The following FBLN7 variants were observed in gnomAD, a reference collection of about 807,000 sequenced individuals.
The protein encoded by FBLN7 is fibulin 7, also known as fibulin-7.
FBLN7 carries 31 observed loss-of-function variants against 44.0 expected under a neutral mutation model. That is an observed-to-expected ratio of 0.70 (90% confidence interval 0.53 to 0.95). The LOEUF is 0.95. Among genes scored for constraint, FBLN7 ranks in the 40% least tolerant of loss-of-function variants. FBLN7 has a pLI of 0.00. For missense variants in FBLN7, 573 were observed against 618.5 expected, an observed-to-expected ratio of 0.93 and a Z score of 0.78; for synonymous variants, 262 against 253.4, an observed-to-expected ratio of 1.03 and a Z score of -0.32.
chr2:112,218,679 T>C, the FBLN7 span, among the ~76,000 whole-genome samples: 1 of 151,652 alleles, frequency 6.6e-6, no homozygotes, highest in African/African-American at 2.4e-5. Context: ...TTTGGAAACA[T>C]AGAGAGAGAG....
chr2:112,209,607 T>G, the FBLN7 span, among the ~76,000 whole-genome samples: 1 of 152,142 alleles, frequency 6.6e-6, no homozygotes, highest in Admixed American at 6.6e-5. Context: ...ATTGAGAATG[T>G]CAACATGAGA....
rs552094976 is a variant in FBLN7, at chr2:112,160,719, C to T, written c.235+884C>T. ...ACACACGCACGCACACACACAAGCA[C>T]GCGCACACGCACGCACACGCACACA... On this transcript the variant is annotated intron_variant, in intron 2 of 7. Coordinates refer to ENST00000331203, the MANE Select transcript of FBLN7 (RefSeq NM_153214.3). Among the ~76,000 whole-genome samples, 87 of 141,296 alleles carry T rather than the reference C, an allele frequency of 6.2e-4. 1 individual carries two copies. Among genetic ancestry groups the T allele is most frequent in the Middle Eastern group, 3.8e-3 (1 of 266 alleles). The allele number at this position is 141,296 out of a possible 152,430, so 92.7% of individuals were successfully genotyped here.
intron 2 of FBLN7, among the ~76,000 whole-genome samples, chr2:112,160,746 G>GCA (rs1225661028): frequency 5.3e-4 from 46 of 86,256 alleles, no homozygotes; most frequent in African/African-American, 1.9e-3. Context: ...ACGCACACAC[G>GCA]CGCACGCACA....
At chr2:112,148,553 AG>A (rs1238945709) in intron 1 of FBLN7, among the ~76,000 whole-genome samples, 1 of 152,234 alleles carries the variant, frequency 6.6e-6, no homozygotes, top group Non-Finnish European at 1.5e-5. Context: ...TTGGCAGGCC[AG>A]GGTAGCAATT....
chr2:112,157,748 G>A (rs1348861694), intron 1 of FBLN7, among the ~76,000 whole-genome samples: 2 of 152,098 alleles, frequency 1.3e-5, no homozygotes, highest in Admixed American at 6.5e-5. Flanking sequence ...CTACAGGCGA[G>A]CACCACCATG....
rs1683329003 is a variant in FBLN7, at chr2:112,187,471, A to G, written c.1285A>G (p.Lys429Glu). The G allele has an allele frequency of 6.2e-7, 1 of 1,614,188 alleles. No homozygotes were observed. Among genetic ancestry groups the G allele is most frequent in the Non-Finnish European group, 8.5e-7 (1 of 1,180,042 alleles). ...DRSFQANHVS[K>E]VTIFVSPYDF ...CTCCTTCCAGGCCAACCACGTGTCC[A>G]AGGTCACCATCTTTGTATCCCCCTA... Residue 429 changes from lysine (K) to glutamate (E), a missense_variant, in exon 8 of 8, where the codon AAG becomes GAG. Transcript: ENST00000331203. This position sits in a 1 kb window ranked among gnomAD's most constrained non-coding sequence, Gnocchi z 5.1.
At chr2:112,173,827 T>G (rs1001967966) in intron 3 of FBLN7, among the ~76,000 whole-genome samples, 2 of 152,220 alleles carry the variant, frequency 1.3e-5, no homozygotes, top group East Asian at 3.8e-4. Flanking sequence ...CATCAGGCCA[T>G]TGGATGCCTC....
chr2:112,141,145 G>T (rs546636005), intron 1 of FBLN7, among the ~76,000 whole-genome samples: 1 of 152,360 alleles, frequency 6.6e-6, no homozygotes, highest in Admixed American at 6.5e-5. Context: ...CACACGGAGT[G>T]CCTGGTGCGC....
the FBLN7 span, chr2:112,232,034 A>T: frequency 1.3e-6 from 1 of 759,236 alleles, no homozygotes; most frequent in Non-Finnish European, 1.9e-6. Context: ...CTAAATAAAG[A>T]CCTCTGTGGC....
At chr2:112,236,236 A>G in the FBLN7 span, among the ~76,000 whole-genome samples, 2 of 152,194 alleles carry the variant, frequency 1.3e-5, no homozygotes, top group Admixed American at 6.5e-5. Flanking sequence ...CCTGGGTTAC[A>G]AGGCGAGACT....
At chr2:112,171,558 A>G (rs1024502477) in intron 3 of FBLN7, among the ~76,000 whole-genome samples, 8 of 152,174 alleles carry the variant, frequency 5.3e-5, no homozygotes, top group Admixed American at 2.0e-4. Flanking sequence ...GTAGACACTC[A>G]ATAAATAGTT....
At chr2:112,164,667 G>C (rs765805702) in intron 2 of FBLN7, among the ~76,000 whole-genome samples, 13 of 152,248 alleles carry the variant, frequency 8.5e-5, no homozygotes, top group Admixed American at 6.5e-5. Flanking sequence ...ACCCAGGGGG[G>C]CTGGAGCCCC....
chr2:112,158,823 C>A (rs1681571855), intron 1 of FBLN7, among the ~76,000 whole-genome samples: 1 of 152,096 alleles, frequency 6.6e-6, no homozygotes, highest in African/African-American at 2.4e-5. Flanking sequence ...AATCCACCCA[C>A]CTTGACCACC....
chr2:112,187,606 C>G lies in FBLN7; in HGVS notation c.*100C>G. ...CTGCGTGGAGCCTCCCGCCTGTTCC[C>G]GCCCTCTCACCAGTGCACCCAGGCT... On this transcript the variant is annotated 3_prime_UTR_variant, in exon 8 of 8. Transcript: ENST00000331203. The surrounding 1 kb of genome is among the most constrained non-coding windows in gnomAD (Gnocchi z 5.1). 6.6e-7 allele frequency: 1 copy of G among 1,511,886 alleles called. No individual in the cohort carries two copies. The highest frequency in any genetic ancestry group is 9.0e-7 in the Non-Finnish European group (1 of 1,116,730). The allele number at this position is 1,511,886 out of a possible 1,614,324, so 93.7% of individuals were successfully genotyped here.
intron 4 of FBLN7, chr2:112,177,452 A>G (rs1682788766): frequency 6.6e-6 from 1 of 152,270 alleles, no homozygotes; most frequent in Admixed American, 6.5e-5. Flanking sequence ...CAGCTGGCCC[A>G]TGCCTTTCCA....
intron 4 of FBLN7, chr2:112,177,998 A>G (rs1348337866): frequency 8.2e-6 from 1 of 122,248 alleles, no homozygotes. Flanking sequence ...CCCTGTCTCT[A>G]CTAACAATAC....
chr2:112,197,577 A>G, the FBLN7 span, among the ~76,000 whole-genome samples: 3 of 151,972 alleles, frequency 2.0e-5, no homozygotes, highest in Non-Finnish European at 4.4e-5. Flanking sequence ...TAGTATCCCA[A>G]CCTCCCCTCC....
At chr2:112,155,810 G>A (rs751820242) in intron 1 of FBLN7, among the ~76,000 whole-genome samples, 1 of 152,108 alleles carries the variant, frequency 6.6e-6, no homozygotes, top group Non-Finnish European at 1.5e-5. Context: ...GCTGCCCAGC[G>A]GCCAAGTAGA....
At position 112,165,147 on chromosome 2, in the gene FBLN7, A is replaced by G. The variant is rs768985820; in HGVS notation, c.382A>G (p.Thr128Ala). 2 of 1,614,134 alleles carry G rather than the reference A, an allele frequency of 1.2e-6. No individual in the cohort carries two copies. The highest frequency in any genetic ancestry group is 1.7e-5 in the Admixed American group (1 of 60,010). The change falls in exon 3 of 8, where the codon ACA (threonine) becomes GCA (alanine). Residue 128 changes from threonine to alanine, a missense_variant. Physicochemically the swap from Thr to Ala is moderately conservative, Grantham distance 58. Coordinates refer to ENST00000331203, the MANE Select transcript of FBLN7 (RefSeq NM_153214.3). ...SVVCLPNGTW[T>A]GEQPHCRGIS... Reference sequence around the variant, plus strand: ...GGTGTGTCTTCCCAATGGCACCTGGACAGGGGAGCAGCCCCACTGTAGAGG... The same window carrying G: ...GGTGTGTCTTCCCAATGGCACCTGGGCAGGGGAGCAGCCCCACTGTAGAGG...
Sources: allele counts gnomAD v4.1 joint callset (sites outside exome capture counted in the v4.1 genomes callset), GRCh38; gene constraint gnomAD v4.1.1; non-coding constraint Gnocchi (gnomAD v3.1); transcripts MANE v1.5; gene names NCBI Gene and HGNC (gene_info 2026-07-23, HGNC 2026-07-21).